Variants in ATP5MC2 observed in about 807,000 individuals in gnomAD.
The protein encoded by ATP5MC2 is ATP synthase membrane subunit c locus 2.
Under a neutral mutation model 13.5 loss-of-function variants are expected in ATP5MC2, and 11 were observed. The observed-to-expected ratio is 0.81, with a 90% confidence interval of 0.51 to 1.35. The LOEUF is 1.35. Among genes scored for constraint, ATP5MC2 ranks in the 40% most tolerant of loss-of-function variants. The pLI is 0.00. For missense variants in ATP5MC2, 132 were observed against 175.0 expected, an observed-to-expected ratio of 0.75 and a Z score of 1.39; for synonymous variants, 64 against 69.7, an observed-to-expected ratio of 0.92 and a Z score of 0.41.
chr12:53,665,350 A>T lies in ATP5MC2; in HGVS notation c.390T>A (p.Cys130Ter), dbSNP rs758813695. ...AGAGGATGAGAAAGGCTACCATCAG[A>T]CAAAAGAGCCCCATGGCCTCCGAGA... ...FALSEAMGLF[C>*]LMVAFLILFA... is the part of the protein sequence containing the mutation. Residue 130 changes from cysteine to a stop codon, truncating the protein, a stop_gained, in exon 5 of 5, where the codon TGT (cysteine) becomes TGA (stop). Transcript: ENST00000394349. LOFTEE classifies it high-confidence loss of function. 4.4e-5 allele frequency: 71 copies of T among 1,613,384 alleles called. No homozygotes were observed. The highest frequency in any genetic ancestry group is 5.8e-5 in the Non-Finnish European group (69 of 1,179,910).
At chr12:53,666,198 C>T (rs1593042181) in intron 4 of ATP5MC2, among the ~76,000 whole-genome samples, 1 of 151,994 alleles carries the variant, frequency 6.6e-6, no homozygotes, top group Non-Finnish European at 1.5e-5. Flanking sequence ...AATCCCAGCA[C>T]TTTGGGAGGC....
At chr12:53,666,099 GA>G (rs2138011286) in intron 4 of ATP5MC2, among the ~76,000 whole-genome samples, 1 of 152,074 alleles carries the variant, frequency 6.6e-6, no homozygotes, top group East Asian at 1.9e-4. Context: ...CTTGAAGCCA[GA>G]AGTTGGAGAC....
intron 4 of ATP5MC2, among the ~76,000 whole-genome samples, chr12:53,666,861 A>G (rs996210471): frequency 8.8e-5 from 13 of 148,106 alleles, no homozygotes; most frequent in African/African-American, 3.2e-4. Flanking sequence ...CAGGAGAATC[A>G]TTTGAACCCG....
chr12:53,666,884 T>C (rs1466554340), intron 4 of ATP5MC2, among the ~76,000 whole-genome samples: 2 of 149,436 alleles, frequency 1.3e-5, no homozygotes, highest in East Asian at 3.9e-4. Context: ...AGGCAGAGAT[T>C]GCAGTGGGCT....
chr12:53,671,000 T>C (rs1297551460), intron 2 of ATP5MC2, among the ~76,000 whole-genome samples: 1 of 116,018 alleles, frequency 8.6e-6, no homozygotes, highest in Admixed American at 8.7e-5. Flanking sequence ...AATCTAAAGT[T>C]GGGGGCCTTC....
upstream of ATP5MC2, among the ~76,000 whole-genome samples, chr12:53,678,458 G>T (rs1001038839): frequency 6.6e-6 from 1 of 152,080 alleles, no homozygotes; most frequent in African/African-American, 2.4e-5. Flanking sequence ...ACTGTTTATT[G>T]CAAGGTCCTT....
At chr12:53,680,341 G>A (rs1945334532), upstream of ATP5MC2, among the ~76,000 whole-genome samples, 1 of 152,138 alleles carries the variant, frequency 6.6e-6, no homozygotes, top group Non-Finnish European at 1.5e-5. Flanking sequence ...TACATATTGT[G>A]AATGGGTATA....
intron 2 of ATP5MC2, among the ~76,000 whole-genome samples, chr12:53,671,900 C>A (rs934934993): frequency 2.6e-5 from 4 of 151,920 alleles, no homozygotes; most frequent in Non-Finnish European, 5.9e-5. Context: ...TTGAGACCAG[C>A]CCGGCCAACA....
At chr12:53,674,320 C>A (rs951040506) in intron 1 of ATP5MC2, among the ~76,000 whole-genome samples, 14 of 152,150 alleles carry the variant, frequency 9.2e-5, no homozygotes, top group African/African-American at 3.4e-4. Flanking sequence ...CCAGTATGGG[C>A]AACAACGTGA....
upstream of ATP5MC2, among the ~76,000 whole-genome samples, chr12:53,681,102 C>T (rs912369824): frequency 1.3e-5 from 2 of 151,648 alleles, no homozygotes; most frequent in African/African-American, 4.9e-5. Flanking sequence ...TACGGAGTTT[C>T]ACCATGTTGG....
intron 2 of ATP5MC2, among the ~76,000 whole-genome samples, chr12:53,671,870 C>T (rs1177715153): frequency 6.6e-6 from 1 of 151,732 alleles, no homozygotes; most frequent in Non-Finnish European, 1.5e-5. Flanking sequence ...TGTCTCTACT[C>T]GGATCACGAG....
chr12:53,665,516 CT>C (rs1944890001), intron 4 of ATP5MC2, 88 bp from the exon 5 acceptor site: 2 of 1,085,230 alleles, frequency 1.8e-6, no homozygotes, highest in Non-Finnish European at 2.8e-6. Context: ...GAGAATCCCC[CT>C]CTTCAAGATT....
At position 53,665,245 on chromosome 12, in the gene ATP5MC2, A is replaced by T; in HGVS notation, c.*69T>A. 8.1e-7 allele frequency: 1 copy of T among 1,236,808 alleles called. No homozygotes were observed. The allele number at this position is 1,236,808 out of a possible 1,614,324, so 76.6% of individuals were successfully genotyped here. On this transcript the variant is annotated 3_prime_UTR_variant, in exon 5 of 5. Transcript: ENST00000394349. ...ACCACGTTCCCCAGGCTGCCTGGGG[A>T]GGTATAGGAAAAGGAACACACGGGG... is the stretch of plus-strand genomic sequence containing the variant.
chr12:53,671,443 C>T (rs1283636998), intron 2 of ATP5MC2, among the ~76,000 whole-genome samples: 1 of 152,208 alleles, frequency 6.6e-6, no homozygotes, highest in Non-Finnish European at 1.5e-5. Flanking sequence ...CCTCTAGCTA[C>T]TATTTCAAAA....
intron 2 of ATP5MC2, among the ~76,000 whole-genome samples, chr12:53,671,562 G>C (rs976414494): frequency 3.3e-5 from 5 of 152,120 alleles, no homozygotes; most frequent in African/African-American, 1.2e-4. Flanking sequence ...CTTAGCTATG[G>C]CTAACTCAGG....
intron 1 of ATP5MC2, among the ~76,000 whole-genome samples, chr12:53,674,842 G>A (rs751757401): frequency 1.3e-5 from 2 of 152,086 alleles, no homozygotes; most frequent in African/African-American, 4.8e-5. Flanking sequence ...TTTTGCTGCC[G>A]TACTATTCAG....
chr12:53,681,342 G>T (rs1315386085), upstream of ATP5MC2, among the ~76,000 whole-genome samples: 1 of 151,140 alleles, frequency 6.6e-6, no homozygotes, highest in Non-Finnish European at 1.5e-5. Context: ...CCTGGCCAAC[G>T]TGGTGAAACC....
chr12:53,669,319 G>A lies in ATP5MC2; in HGVS notation c.140C>T (p.Ser47Leu), dbSNP rs755784925. 41 of 1,613,708 alleles carry A rather than the reference G, an allele frequency of 2.5e-5. 1 individual carries two copies. In the South Asian group the frequency reaches 4.2e-4, roughly 16 times the overall value. Residue 47 changes from serine (S) to leucine (L), a missense_variant, in exon 4 of 5, where the codon TCA becomes TTA. Coordinates refer to ENST00000394349, the MANE Select transcript of ATP5MC2 (RefSeq NM_005176.7). ...TDESLSSLAV[S>L]CPLTSLVSSR... ...AGAGACAAGTGAGGTAAGGGGACAT[G>A]AGACTGCCAAGCTGCTGAGGCTCTG...
At chr12:53,667,991 ATAT>A (rs1342364181) in intron 4 of ATP5MC2, among the ~76,000 whole-genome samples, 4 of 84,576 alleles carry the variant, frequency 4.7e-5, no homozygotes, top group African/African-American at 2.1e-4. Flanking sequence ...ATATATATAT[ATAT>A]AAATTTTTTT....
Sources: allele counts gnomAD v4.1 joint callset (sites outside exome capture counted in the v4.1 genomes callset), GRCh38; gene constraint gnomAD v4.1.1; transcripts MANE v1.5; gene names NCBI Gene and HGNC (gene_info 2026-07-23, HGNC 2026-07-21).